SLC22A25: variants seen among roughly 807,000 people sequenced by gnomAD.
SLC22A25 encodes MGI:2442751, MGI:2385316, MGI:3042283, MGI:3645714, MGI:3605624, MGI:2442750.
SLC22A25 carries 44 observed loss-of-function variants against 45.9 expected under a neutral mutation model. The ratio of observed to expected loss-of-function variants is 0.96; its 90% confidence interval spans 0.75 to 1.23. The LOEUF (loss-of-function observed/expected upper bound fraction) is 1.23. Ranked by LOEUF, SLC22A25 falls within the 50% of genes most tolerant of loss-of-function variation. The probability of loss-of-function intolerance (pLI) is 0.00; values close to 1 mark genes in which losing one functional copy is unlikely to be tolerated. For synonymous variants in SLC22A25, 283 were observed against 238.6 expected (o/e 1.19, Z -1.72); for missense variants, 800 against 666.4 (o/e 1.20, Z -2.21).
chr11:63,233,764 T>C (rs1217618858), intron 3 of SLC22A25, among the ~76,000 whole-genome samples: 1 of 152,236 alleles, frequency 6.6e-6, no homozygotes, highest in Non-Finnish European at 1.5e-5. Context: ...CTTTCTCTTG[T>C]AGGCATTTAG....
chr11:63,203,388 G>T (rs1296391665), intron 7 of SLC22A25, among the ~76,000 whole-genome samples: 1 of 151,988 alleles, frequency 6.6e-6, no homozygotes, highest in Non-Finnish European at 1.5e-5. Flanking sequence ...CTAACCCAAT[G>T]CAAGGAAGCC....
chr11:63,214,762 G>A (rs570748931), intron 7 of SLC22A25, among the ~76,000 whole-genome samples: 3 of 149,256 alleles, frequency 2.0e-5, no homozygotes, highest in African/African-American at 7.4e-5. Context: ...TGTTTAAAAG[G>A]TAACTTAACT....
chr11:63,210,518 G>A (rs1174934246), intron 7 of SLC22A25, among the ~76,000 whole-genome samples: 2 of 152,154 alleles, frequency 1.3e-5, no homozygotes, highest in African/African-American at 4.8e-5. Context: ...GGATGGAGAT[G>A]ATGGTCAATT....
At chr11:63,219,287 A>G (rs1466732996) in intron 5 of SLC22A25, among the ~76,000 whole-genome samples, 1 of 128,984 alleles carries the variant, frequency 7.8e-6, no homozygotes, top group Admixed American at 8.3e-5. Flanking sequence ...TTAAAATGGC[A>G]ATTTTACCAA....
intron 7 of SLC22A25, among the ~76,000 whole-genome samples, chr11:63,185,764 A>G (rs1264522006): frequency 2.2e-4 from 31 of 138,448 alleles, no homozygotes; most frequent in African/African-American, 6.5e-4. Context: ...TCGTTGTTCA[A>G]TTCCCACCTA....
At chr11:63,170,553 C>T (rs2134713846) in intron 9 of SLC22A25, among the ~76,000 whole-genome samples, 1 of 152,238 alleles carries the variant, frequency 6.6e-6, no homozygotes, top group Non-Finnish European at 1.5e-5. Flanking sequence ...CACAAATAAA[C>T]TAAAAATCCA....
chr11:63,184,215 C>T (rs2088435573), intron 7 of SLC22A25, among the ~76,000 whole-genome samples: 1 of 152,086 alleles, frequency 6.6e-6, no homozygotes, highest in Admixed American at 6.6e-5. Flanking sequence ...TGCTTGAGGC[C>T]TCATAGAGAC....
chr11:63,225,979 C>T (rs2089954186), intron 5 of SLC22A25, among the ~76,000 whole-genome samples: 1 of 152,046 alleles, frequency 6.6e-6, no homozygotes, highest in Admixed American at 6.6e-5. Flanking sequence ...ATTTCTGCTT[C>T]TTGATTCTTT....
intron 4 of SLC22A25, 47 bp from the exon 5 acceptor site, chr11:63,228,611 G>C: frequency 1.4e-6 from 2 of 1,392,906 alleles, no homozygotes; most frequent in Non-Finnish European, 2.0e-6. Context: ...GCCCCTCAGT[G>C]TAACCTTATC....
At chr11:63,211,986 C>A (rs1246592113) in intron 7 of SLC22A25, among the ~76,000 whole-genome samples, 1 of 151,824 alleles carries the variant, frequency 6.6e-6, no homozygotes, top group Non-Finnish European at 1.5e-5. Context: ...AAACAAACAA[C>A]CCCATCAAAA....
intron 7 of SLC22A25, chr11:63,207,999 C>T (rs2089454000): frequency 6.6e-6 from 1 of 152,208 alleles, no homozygotes; most frequent in African/African-American, 2.4e-5. Context: ...TGGGCCAGCA[C>T]ACCTAAATAA....
At chr11:63,165,694 T>C (rs1008219927) in intron 10 of SLC22A25, among the ~76,000 whole-genome samples, 1 of 152,206 alleles carries the variant, frequency 6.6e-6, no homozygotes, top group Non-Finnish European at 1.5e-5. Flanking sequence ...GTTCTCATAT[T>C]GGGATACAAA....
intron 9 of SLC22A25, among the ~76,000 whole-genome samples, chr11:63,174,654 G>A (rs938080956): frequency 3.3e-5 from 5 of 152,072 alleles, no homozygotes; most frequent in African/African-American, 1.2e-4. Flanking sequence ...TTTTAAAACT[G>A]TGGTAAAAAT....
chr11:63,198,485 C>G (rs2089132223), intron 7 of SLC22A25, among the ~76,000 whole-genome samples: 1 of 152,158 alleles, frequency 6.6e-6, no homozygotes, highest in Non-Finnish European at 1.5e-5. Context: ...AAACCAAACA[C>G]CACATGGTCT....
At chr11:63,239,650 C>T (rs962842985) in intron 1 of SLC22A25, among the ~76,000 whole-genome samples, 2 of 152,198 alleles carry the variant, frequency 1.3e-5, no homozygotes, top group Non-Finnish European at 2.9e-5. Flanking sequence ...ATGGTACAGT[C>T]CTTCCCCTTT....
At chr11:63,214,721 C>T (rs2089666135) in intron 7 of SLC22A25, among the ~76,000 whole-genome samples, 1 of 151,586 alleles carries the variant, frequency 6.6e-6, no homozygotes, top group Non-Finnish European at 1.5e-5. Flanking sequence ...ATATGCTTCC[C>T]CCTGCACAGA....
chr11:63,171,143 G>GTA (rs1013022066), intron 9 of SLC22A25, among the ~76,000 whole-genome samples: 1 of 152,100 alleles, frequency 6.6e-6, no homozygotes, highest in African/African-American at 2.4e-5. Context: ...AATAAACTAG[G>GTA]TATAGATGGA....
chr11:63,174,008 C>T lies in SLC22A25; in HGVS notation c.1070+6652G>A, dbSNP rs148757606. Among the ~76,000 whole-genome samples, 1,088 of 151,686 alleles carry T rather than the reference C, an allele frequency of 7.2e-3. 8 individuals are homozygous for T. The highest frequency in any genetic ancestry group is 0.024 in the African/African-American group (998 of 41,350). On this transcript the variant is annotated intron_variant, in intron 9 of 11. Coordinates refer to ENST00000306494, the MANE Select transcript of SLC22A25 (RefSeq NM_199352.6). Reference sequence around the variant, plus strand: ...TGGTGGTTTGCTGCACCCATCAACTCATCACCTACATTAGGTATTTCTCCT... The same window carrying T: ...TGGTGGTTTGCTGCACCCATCAACTTATCACCTACATTAGGTATTTCTCCT...
At position 63,229,798 on chromosome 11, in the gene SLC22A25, T is replaced by C. The variant is rs1226986189; in HGVS notation, c.-146A>G. On this transcript the variant is annotated 5_prime_UTR_variant, in exon 4 of 12. An upstream start codon of the reference 5' UTR is lost. Transcript: ENST00000306494. ...TCTTCTTAATGGGCCCTCTCTCCCA[T>C]CTGCAGCAGGGTCACGGAAGCAATT... is the stretch of plus-strand genomic sequence containing the variant. 6 of 826,228 alleles carry C rather than the reference T, an allele frequency of 7.3e-6. No individual in the cohort carries two copies. The East Asian group carries it at 1.6e-4, about 22-fold the overall frequency. The allele number at this position is 826,228 out of a possible 1,614,324, so 51.2% of individuals were successfully genotyped here.
Sources: gnomAD v4.1 joint callset for allele counts (sites outside exome capture counted in the v4.1 genomes callset) on GRCh38, gnomAD v4.1.1 for gene constraint, MANE v1.5 for transcripts, NCBI Gene and HGNC (gene_info 2026-07-23, HGNC 2026-07-21) for gene names.